PLEC: variants seen among roughly 807,000 people sequenced by gnomAD.
The protein encoded by PLEC is plectin.
PLEC carries 216 observed loss-of-function variants against 392.8 expected under a neutral mutation model. The ratio of observed to expected loss-of-function variants is 0.55; its 90% CI spans 0.49 to 0.62. PLEC has a LOEUF of 0.62. Among genes scored for constraint, PLEC ranks in the 20% least tolerant of loss-of-function variants. The pLI, the probability that PLEC is intolerant of heterozygous loss-of-function variation, is 0.00. For synonymous variants in PLEC, 3,621 were observed against 2,980.6 expected, an observed-to-expected ratio of 1.21 and a Z score of -7.00; for missense variants, 6,863 against 6,563.4, an observed-to-expected ratio of 1.05 and a Z score of -1.58.
rs1820366450 is a variant in PLEC at position 143,915,919 on chromosome 8, C to A, written c.*258G>T. On this transcript the variant is annotated 3_prime_UTR_variant, in exon 32 of 32. Coordinates refer to ENST00000345136, the MANE Select transcript of PLEC (RefSeq NM_201384.3). ...GCCCAGCTTGGGACCCTCCAAGGCA[C>A]CTGGCTGTGTGAGTGGCAGGTAGAA... is the stretch of plus-strand genomic sequence containing the variant. 6 of 347,362 alleles carry A rather than the reference C, an allele frequency of 1.7e-5. No individual in the cohort carries two copies. Among genetic ancestry groups the A allele is most frequent in the South Asian group, 4.6e-5 (1 of 21,872 alleles). The allele number at this position is 347,362 out of a possible 1,614,324, so 21.5% of individuals were successfully genotyped here.
In PLEC at chr8:143,929,929, G is replaced by A. The variant is rs1554712386; in HGVS notation, c.2739+7C>T. 1 of 1,608,974 alleles carries A rather than the reference G, an allele frequency of 6.2e-7. No homozygotes were observed. Among genetic ancestry groups the A allele is most frequent in the South Asian group, 1.1e-5 (1 of 90,958 alleles). On this transcript the variant is annotated splice_region_variant and intron_variant, in intron 22 of 31. Coordinates refer to ENST00000345136, the MANE Select transcript of PLEC (RefSeq NM_201384.3). ...CCAGAGAGCCCCCGGCTCGGGGGCA[G>A]GCGTACCGTGGCCAGGGACCAGGAG...
rs561660762 is a variant in PLEC, at chr8:143,969,164, C to T, written c.70+4239G>A. 6.6e-6 allele frequency among the ~76,000 whole-genome samples: 1 copy of T among 152,330 alleles called. No homozygotes were observed. Among genetic ancestry groups the T allele is most frequent in the African/African-American group, 2.4e-5 (1 of 41,572 alleles). On this transcript the variant is annotated intron_variant, in intron 1 of 31. Coordinates refer to the PLEC transcript ENST00000356346. The surrounding 1 kb of genome is among the most constrained non-coding windows in gnomAD (Gnocchi z 5.1). ...AAGTGGGCACTTCCACACCACGGAA[C>T]CGACTCCAGCGGGGGGAGGGTGAGG...
At position 143,917,125 on chromosome 8, in the gene PLEC, G is replaced by C. The variant is rs368964907; in HGVS notation, c.12696C>G (p.Phe4232Leu). The C allele has an allele frequency of 1.2e-6, 2 of 1,604,434 alleles. No homozygotes were observed. The highest frequency in any genetic ancestry group is 1.7e-6 in the Non-Finnish European group (2 of 1,172,572). The change falls in exon 32 of 32, where the codon TTC (phenylalanine) becomes TTG (leucine). Residue 4232 changes from phenylalanine to leucine, a missense_variant. Physicochemically the swap from Phe to Leu is conservative, Grantham distance 22. Transcript: ENST00000345136. ...YRAGTLSITE[F>L]ADMLSGNAGG... Reference sequence around the variant, plus strand: ...CGGCGTTGCCCGAGAGCATGTCGGCGAACTCGGTGATGGAGAGCGTGCCGG... The same window carrying C: ...CGGCGTTGCCCGAGAGCATGTCGGCCAACTCGGTGATGGAGAGCGTGCCGG...
In PLEC at chr8:143,922,735, G is replaced by A. The variant is rs541134948; in HGVS notation, c.7194C>T (p.Arg2398=). 5.8e-5 allele frequency: 93 copies of A among 1,610,926 alleles called. 3 individuals are homozygous for A. Among genetic ancestry groups the A allele is most frequent in the South Asian group, 5.6e-4 (51 of 90,788 alleles). ...GGAAGCGCTGGGCGTCCTCCTCAGC[G>A]CGGGCCTGGGCTCGGCTCATCTCGG... is the stretch of plus-strand genomic sequence containing the variant. ...RVAEMSRAQA[R]AEEDAQRFRK... Residue 2398 remains arginine (R), a synonymous_variant, in exon 31 of 32, where the codon CGC becomes CGT. Coordinates refer to ENST00000345136, the MANE Select transcript of PLEC (RefSeq NM_201384.3).
rs371749261 is a variant in PLEC at position 143,923,139 on chromosome 8, G to C, written c.6790C>G (p.Arg2264Gly). ...LILRDKDNTQ[R>G]FLQEEAEKMK... ...TTCTCAGCCTCCTCCTGCAGGAAGC[G>C]CTGCGTATTGTCCTTGTCACGCAAG... is the stretch of plus-strand genomic sequence containing the variant. The change falls in exon 31 of 32, where the codon CGC becomes GGC. Residue 2264 changes from arginine (R) to glycine (G), a missense_variant. Physicochemically the swap from Arg to Gly is moderately radical, Grantham distance 125 (BLOSUM62 -2). Coordinates refer to ENST00000345136, the MANE Select transcript of PLEC (RefSeq NM_201384.3). 1.2e-6 allele frequency: 2 copies of C among 1,603,190 alleles called. No individual in the cohort carries two copies. The highest frequency in any genetic ancestry group is 1.3e-5 in the African/African-American group (1 of 74,894).
At chr8:143,934,242 G>A in intron 11 of PLEC, 76 bp downstream of exon 11, 7 of 1,600,804 alleles carry the variant, frequency 4.4e-6, no homozygotes, top group Middle Eastern at 1.8e-4. Flanking sequence ...CGGGGGCGGG[G>A]CGGGGAGGGG....
At chr8:143,972,703 A>G (rs1554744701) in intron 1 of PLEC, among the ~76,000 whole-genome samples, 1 of 152,124 alleles carries the variant, frequency 6.6e-6, no homozygotes, top group Non-Finnish European at 1.5e-5. Context: ...GAGCCGGGCG[A>G]CCCAGGCTGA....
At position 143,973,362 on chromosome 8, in the gene PLEC, G is replaced by C. The variant is rs1554744898; in HGVS notation, c.70+41C>G. ...CGACAAGGTGCTCGGCGGCTGGGCT[G>C]TCAGGAGCGGCCCGACAGGCAGCGG... On this transcript the variant is annotated intron_variant, in intron 1 of 31. Coordinates refer to the PLEC transcript ENST00000356346. This position sits in a 1 kb window ranked among gnomAD's most constrained non-coding sequence, Gnocchi z 5.6. 2 of 1,548,332 alleles carry C rather than the reference G, an allele frequency of 1.3e-6. No individual in the cohort carries two copies. The highest frequency in any genetic ancestry group is 2.5e-5 in the East Asian group (1 of 40,448).
chr8:143,924,680 C>T lies in PLEC; in HGVS notation c.5249G>A (p.Arg1750Gln), dbSNP rs782302326. 2.7e-5 allele frequency: 42 copies of T among 1,534,726 alleles called. No homozygotes were observed. Among genetic ancestry groups the T allele is most frequent in the South Asian group, 2.0e-4 (17 of 84,112 alleles). The change falls in exon 31 of 32, where the codon CGG (arginine) becomes CAG (glutamine). Residue 1750 changes from arginine to glutamine, a missense_variant. Coordinates refer to ENST00000345136, the MANE Select transcript of PLEC (RefSeq NM_201384.3). ...QREAAAATQK[R>Q]QELEAELAKV... ...GGCCAGCTCGGCTTCCAGCTCCTGC[C>T]GTTTCTGCGTGGCTGCAGCCGCCTC... is the stretch of plus-strand genomic sequence containing the variant.
chr8:143,945,050 C>A, intron 1 of PLEC: 1 of 393,016 alleles, frequency 2.5e-6, no homozygotes, highest in South Asian at 2.1e-5. Flanking sequence ...GGAGGCGGTG[C>A]AGTCCCCACC....
intron 1 of PLEC, among the ~76,000 whole-genome samples, chr8:143,959,476 C>G (rs1002395334): frequency 2.0e-5 from 3 of 152,244 alleles, no homozygotes; most frequent in Non-Finnish European, 2.9e-5. Context: ...TGCAGAGGCC[C>G]AGGTGGCAGA....
rs1554683505 is a variant in PLEC at position 143,920,943 on chromosome 8, T to C, written c.8878A>G (p.Ile2960Val). The change falls in exon 32 of 32, where the codon ATC (isoleucine) becomes GTC (valine). Residue 2960 changes from isoleucine (I) to valine (V), a missense_variant. Physicochemically the swap from Ile to Val is conservative, Grantham distance 29. Transcript: ENST00000345136. ...TGCTCCTGCTCCTCCACCACCGTGA[T>C]GATGATCTTGATGATCTTCTCCACT... is the stretch of plus-strand genomic sequence containing the variant. ...ITVEKIIKII[I>V]TVVEEQEQKG... 1.2e-6 allele frequency: 2 copies of C among 1,612,978 alleles called. No individual in the cohort carries two copies. The highest frequency in any genetic ancestry group is 1.7e-5 in the Admixed American group (1 of 60,028).
chr8:143,951,048 C>G (rs1337617504), upstream of PLEC, among the ~76,000 whole-genome samples: 1 of 152,220 alleles, frequency 6.6e-6, no homozygotes, highest in Non-Finnish European at 1.5e-5. Flanking sequence ...CAAGAGGCAG[C>G]GGCCACCCCC....
rs1554697259 is a variant in PLEC, at chr8:143,924,430, C to T, written c.5499G>A (p.Arg1833=). 1.3e-6 allele frequency: 2 copies of T among 1,586,256 alleles called. No homozygotes were observed. The highest frequency in any genetic ancestry group is 3.4e-5 in the Admixed American group (2 of 59,230). The change falls in exon 31 of 32, where the codon CGG becomes CGA. Residue 1833 remains arginine, a synonymous_variant. Coordinates refer to ENST00000345136, the MANE Select transcript of PLEC (RefSeq NM_201384.3). ...TGGCGGCCAGCTTCTCCGCAAGCAC[C>T]CGCTCCGCCTCGGCCCGCTGCCGCG... ...DAARQRAEAE[R]VLAEKLAAIG... is the part of the protein sequence containing the mutation.
chr8:143,971,618 C>T (rs1048237466), intron 1 of PLEC, among the ~76,000 whole-genome samples: 3 of 152,220 alleles, frequency 2.0e-5, no homozygotes, highest in Non-Finnish European at 4.4e-5. Flanking sequence ...GGTACCAGCC[C>T]AGCCCCTCCC....
chr8:143,954,291 G>A (rs1362968555), upstream of PLEC, among the ~76,000 whole-genome samples: 1 of 152,014 alleles, frequency 6.6e-6, no homozygotes, highest in Non-Finnish European at 1.5e-5. The surrounding 1 kb of genome is among the most constrained non-coding windows in gnomAD (Gnocchi z 4.6). Context: ...CCAGACCCTG[G>A]TCGGCCACCT....
rs1039236675 is a variant in PLEC at position 143,925,866 on chromosome 8, G to T, written c.4063C>A (p.Arg1355=). The T allele has an allele frequency of 1.7e-5, 26 of 1,547,318 alleles. No homozygotes were observed. Among genetic ancestry groups the T allele is most frequent in the Non-Finnish European group, 1.8e-5 (21 of 1,153,016 alleles). ...GCCAGCCGCTCGCGCTCCTCTGCCC[G>T]CTGCTGCTCAGCCAGCCTCTGTGGC... ...EEEERLAEQQ[R]AEERERLAEV... The change falls in exon 31 of 32, where the codon CGG becomes AGG. Residue 1355 remains arginine, a synonymous_variant. Transcript: ENST00000345136.
At chr8:143,960,474 G>A (rs1332593843) in intron 1 of PLEC, among the ~76,000 whole-genome samples, 3 of 151,724 alleles carry the variant, frequency 2.0e-5, no homozygotes, top group East Asian at 3.9e-4. Flanking sequence ...AAAATTAGCC[G>A]GGTGTGGTGG....
rs782665023 is a variant in PLEC at position 143,929,774 on chromosome 8, T to C, written c.2795A>G (p.His932Arg). Residue 932 changes from histidine to arginine, a missense_variant, in exon 23 of 32, where the codon CAC becomes CGC. Transcript: ENST00000345136. ...QRQALHSLEL[H>R]YQAFLRDSQD... ...GCTGTCCCGCAGGAAGGCCTGGTAG[T>C]GCAGCTCCAGGCTGTGCAGGGCTTG... The C allele has an allele frequency of 8.7e-6, 14 of 1,600,468 alleles. No individual in the cohort carries two copies. In the South Asian group the frequency reaches 1.3e-4, roughly 15 times the overall value.
Sources: allele counts gnomAD v4.1 joint callset (sites outside exome capture counted in the v4.1 genomes callset), GRCh38; gene constraint gnomAD v4.1.1; non-coding constraint Gnocchi (gnomAD v3.1); transcripts MANE v1.5; gene names NCBI Gene and HGNC (gene_info 2026-07-23, HGNC 2026-07-21).